The following STAT4 variants were observed in gnomAD, a reference collection of about 807,000 sequenced individuals.
STAT4 encodes the protein signal transducer and activator of transcription 4.
STAT4 carries 42 observed loss-of-function variants against 110.5 expected under a neutral mutation model. That is an observed-to-expected ratio of 0.38 (90% CI 0.30 to 0.49). The LOEUF is 0.49. Ranked by LOEUF, STAT4 falls within the 20% of genes least tolerant of loss-of-function variation. The probability of loss-of-function intolerance (pLI) is 0.95; values close to 1 mark genes in which losing one functional copy is unlikely to be tolerated. For missense variants in STAT4, 632 were observed against 887.9 expected (o/e 0.71, Z 3.66); for synonymous variants, 284 against 302.2 (o/e 0.94, Z 0.63).
intron 5 of STAT4, among the ~76,000 whole-genome samples, chr2:191,072,199 C>T (rs1697179733): frequency 6.6e-6 from 1 of 152,192 alleles, no homozygotes; most frequent in Non-Finnish European, 1.5e-5. Flanking sequence ...GATGCAAAAC[C>T]CATCTGTGCA....
In STAT4 at chr2:191,146,558, C is replaced by T. The variant is rs116613000; in HGVS notation, c.273+55G>A. 2.4e-3 allele frequency: 3,225 copies of T among 1,334,356 alleles called. 75 individuals are homozygous for T. In the African/African-American group the frequency reaches 0.044, roughly 18 times the overall value. 82.7% of individuals were successfully genotyped at this position (1,334,356 alleles called of 1,614,324 possible). A position where few individuals can be genotyped will look rare whatever the true frequency, so the allele number is the denominator to read the frequency against. On this transcript the variant is annotated intron_variant, in intron 3 of 23. Coordinates refer to ENST00000392320, the MANE Select transcript of STAT4 (RefSeq NM_003151.4). This position sits in a 1 kb window ranked among gnomAD's most constrained non-coding sequence, Gnocchi z 4.5. The stretch of plus-strand genomic sequence containing the variant: ...ATAAGGGTACATATTTAATTTTTAA[C>T]TAAATTTAAGACTCATATATCCAAA...
Position 191,036,124 on chromosome 2 carries a change from C to T in STAT4, c.1570+40G>A, listed in dbSNP as rs1696037300. ...CTGGTTATTTAAAATGCCTGAGGGC[C>T]AAAAACAGAGGCAAATCCTCTCTAT... is the stretch of plus-strand genomic sequence containing the variant. On this transcript the variant is annotated intron_variant, in intron 17 of 23. Transcript: ENST00000392320. 1.9e-6 allele frequency: 3 copies of T among 1,598,484 alleles called. No individual in the cohort carries two copies. The South Asian group carries it at 3.4e-5, about 18-fold the overall frequency.
At position 191,036,260 on chromosome 2, in the gene STAT4, T is replaced by A. The variant is rs1696043590; in HGVS notation, c.1474A>T (p.Ser492Cys). 1.2e-6 allele frequency: 2 copies of A among 1,614,142 alleles called. No individual in the cohort carries two copies. The highest frequency in any genetic ancestry group is 1.7e-6 in the Non-Finnish European group (2 of 1,180,028). Residue 492 changes from serine (S) to cysteine (C), a missense_variant, in exon 17 of 24, where the codon AGT (serine) becomes TGT (cysteine). Coordinates refer to ENST00000392320, the MANE Select transcript of STAT4 (RefSeq NM_003151.4). ...CAGCTCATCACCTCCAGTAGTTGACTCAATGTGGCAGGTGGAGGATTATTA... is the reference window on the plus strand; with the variant it reads ...CAGCTCATCACCTCCAGTAGTTGACACAATGTGGCAGGTGGAGGATTATTA... ...FFNNPPPATL[S>C]QLLEVMSWQF... is the part of the protein sequence containing the mutation.
rs748455233 is a variant in STAT4 at position 191,083,092 on chromosome 2, T to C, written c.274-6767A>G. Among the ~76,000 whole-genome samples the C allele has an allele frequency of 7.6e-4, 116 of 152,178 alleles. 1 individual carries two copies. Among genetic ancestry groups the C allele is most frequent in the Admixed American group, 2.7e-3 (41 of 15,264 alleles). Reference sequence around the variant, plus strand: ...TTAGTGACCAAAGGGGATATAGGATTCTGAGGAAACACATAACCAACAACT... The same window carrying C: ...TTAGTGACCAAAGGGGATATAGGATCCTGAGGAAACACATAACCAACAACT... On this transcript the variant is annotated intron_variant, in intron 3 of 23. Coordinates refer to ENST00000392320, the MANE Select transcript of STAT4 (RefSeq NM_003151.4). This position sits in a 1 kb window ranked among gnomAD's most constrained non-coding sequence, Gnocchi z 4.6.
At chr2:191,108,380 AC>A (rs1323932462) in intron 3 of STAT4, among the ~76,000 whole-genome samples, 1 of 152,200 alleles carries the variant, frequency 6.6e-6, no homozygotes, top group Non-Finnish European at 1.5e-5. Flanking sequence ...AAACATTATA[AC>A]TATAAACTCG....
rs998995512 is a variant in STAT4, at chr2:191,077,175, T to C, written c.274-850A>G. 2.0e-5 allele frequency among the ~76,000 whole-genome samples: 3 copies of C among 152,190 alleles called. No individual in the cohort carries two copies. The highest frequency in any genetic ancestry group is 6.5e-5 in the Admixed American group (1 of 15,280). On this transcript the variant is annotated intron_variant, in intron 3 of 23. Transcript: ENST00000392320. This position sits in a 1 kb window ranked among gnomAD's most constrained non-coding sequence, Gnocchi z 4.1. ...AGGTTAATGATGCAGATACTGTAAA[T>C]TGGCAGCCTGTGGGCCTAATTCAGC...
chr2:191,145,271 T>C lies in STAT4; in HGVS notation c.273+1342A>G, dbSNP rs575126629. Among the ~76,000 whole-genome samples the C allele has an allele frequency of 3.3e-5, 5 of 152,300 alleles. No homozygotes were observed. The East Asian group carries it at 5.8e-4, about 18-fold the overall frequency. ...GCTGTGTTTCAATAAAACACAGAAA[T>C]TGGAATTTCATATAATTTTAATGTG... On this transcript the variant is annotated intron_variant, in intron 3 of 23. Transcript: ENST00000392320.
At position 191,061,886 on chromosome 2, in the gene STAT4, A is replaced by G; in HGVS notation, c.942-65T>C. The stretch of plus-strand genomic sequence containing the variant: ...TGAAAATATTGAGACTGAAAACCAC[A>G]GAGGAACAGGATGCTATCCACTCAA... On this transcript the variant is annotated intron_variant, in intron 9 of 23. Coordinates refer to ENST00000392320, the MANE Select transcript of STAT4 (RefSeq NM_003151.4). The surrounding 1 kb of genome is among the most constrained non-coding windows in gnomAD (Gnocchi z 6.2). 7 of 1,483,620 alleles carry G rather than the reference A, an allele frequency of 4.7e-6. No homozygotes were observed. Among genetic ancestry groups the G allele is most frequent in the Non-Finnish European group, 6.5e-6 (7 of 1,069,248 alleles). 91.9% of individuals were successfully genotyped at this position (1,483,620 alleles called of 1,614,324 possible).
rs1229444509 is a variant in STAT4 at position 191,150,768 on chromosome 2, G to A, written c.-2+179C>T. On this transcript the variant is annotated intron_variant, in intron 1 of 23. Transcript: ENST00000392320. This position sits in a 1 kb window ranked among gnomAD's most constrained non-coding sequence, Gnocchi z 6.4. Reference sequence around the variant, plus strand: ...GGAGCGGTTTCCGCGGAGAACCCGTGCCAGGGCGCATCTGTGGGTCGTGGA... The same window carrying A: ...GGAGCGGTTTCCGCGGAGAACCCGTACCAGGGCGCATCTGTGGGTCGTGGA... Among the ~76,000 whole-genome samples, 1 of 152,184 alleles carries A rather than the reference G, an allele frequency of 6.6e-6. No homozygotes were observed. Among genetic ancestry groups the A allele is most frequent in the East Asian group, 1.9e-4 (1 of 5,188 alleles).
intron 5 of STAT4, among the ~76,000 whole-genome samples, chr2:191,072,347 G>C (rs1697188495): frequency 2.0e-5 from 3 of 152,070 alleles, no homozygotes. Context: ...ACATTATAAT[G>C]TGCCAAGGTA....
intron 3 of STAT4, among the ~76,000 whole-genome samples, chr2:191,127,036 G>A (rs181221959): frequency 1.3e-5 from 2 of 152,002 alleles, no homozygotes; most frequent in East Asian, 3.9e-4. Context: ...TGACCAGGCT[G>A]GAGGCTAACT....
At chr2:191,064,602 C>G (rs1383268728) in intron 8 of STAT4, among the ~76,000 whole-genome samples, 1 of 152,178 alleles carries the variant, frequency 6.6e-6, no homozygotes, top group Non-Finnish European at 1.5e-5. Flanking sequence ...ATTCAATGGA[C>G]GCTTTCCTTG....
At chr2:191,105,023 G>T (rs557514850) in intron 3 of STAT4, among the ~76,000 whole-genome samples, 1 of 152,160 alleles carries the variant, frequency 6.6e-6, no homozygotes, top group Admixed American at 6.5e-5. Flanking sequence ...ATTCATCACA[G>T]GTTCTGTGGA....
intron 3 of STAT4, among the ~76,000 whole-genome samples, chr2:191,127,549 A>AT (rs2125406957): frequency 6.6e-6 from 1 of 152,350 alleles, no homozygotes; most frequent in East Asian, 1.9e-4. Flanking sequence ...CTCTTTCAAC[A>AT]TAAGAATTTT....
In STAT4 at chr2:191,030,648, TAG is replaced by T. The variant is rs554072384; in HGVS notation, c.2220+322_2220+323del. 68 of 222,942 alleles carry T rather than the reference TAG, an allele frequency of 3.1e-4. No individual in the cohort carries two copies. In the East Asian group the frequency reaches 7.3e-3, roughly 24 times the overall value. The allele number at this position is 222,942 out of a possible 1,614,324, so 13.8% of individuals were successfully genotyped here. A position where few individuals can be genotyped will look rare whatever the true frequency, so the allele number is the denominator to read the frequency against. Reference sequence around the variant, plus strand: ...GACCAATAAATGGTGTTTGCTAAAGTAGAGAGTGGTGGGGAGTGAGGGGGCCC... The same window carrying T: ...GACCAATAAATGGTGTTTGCTAAAGTAGAGTGGTGGGGAGTGAGGGGGCCC... On this transcript the variant is annotated intron_variant, in intron 23 of 23. Coordinates refer to ENST00000392320, the MANE Select transcript of STAT4 (RefSeq NM_003151.4). The surrounding 1 kb of genome is among the most constrained non-coding windows in gnomAD (Gnocchi z 4.4).
intron 3 of STAT4, among the ~76,000 whole-genome samples, chr2:191,136,005 G>GAAAAAAAAAAAAAAAAA (rs745380203): frequency 7.5e-5 from 6 of 79,774 alleles, no homozygotes; most frequent in African/African-American, 2.6e-4. Context: ...CAGCATCTCA[G>GAAAAAAAAAAAAAAAAA]AAAAAAAAAA....
chr2:191,054,724 T>C (rs1427982269), intron 13 of STAT4, among the ~76,000 whole-genome samples, 190 bp from the exon 14 acceptor site: 1 of 152,160 alleles, frequency 6.6e-6, no homozygotes, highest in East Asian at 1.9e-4. Flanking sequence ...TCTCACCCCA[T>C]GGGATGCCAC....
chr2:191,085,348 T>C lies in STAT4; in HGVS notation c.274-9023A>G, dbSNP rs536598246. Among the ~76,000 whole-genome samples the C allele has an allele frequency of 1.2e-3, 183 of 151,902 alleles. 1 individual carries two copies. The highest frequency in any genetic ancestry group is 2.7e-3 in the Admixed American group (41 of 15,236). On this transcript the variant is annotated intron_variant, in intron 3 of 23. Transcript: ENST00000392320. ...CAGAAGTCCAAGAGAGACATATTGA[T>C]CTTACTTGATATGTTAAAGTCATAT...
chr2:191,058,008 C>T lies in STAT4; in HGVS notation c.1206+10G>A. ...AAAAAAAGCCTGTTTAACTTTACTG[C>T]CAAACTTACCAAATGTCGAAATTCT... On this transcript the variant is annotated intron_variant, in intron 13 of 23. Coordinates refer to ENST00000392320, the MANE Select transcript of STAT4 (RefSeq NM_003151.4). This position sits in a 1 kb window ranked among gnomAD's most constrained non-coding sequence, Gnocchi z 4.3. 2 of 1,612,056 alleles carry T rather than the reference C, an allele frequency of 1.2e-6. No individual in the cohort carries two copies. Among genetic ancestry groups the T allele is most frequent in the South Asian group, 1.1e-5 (1 of 91,020 alleles).
Sources: allele counts gnomAD v4.1 joint callset (sites outside exome capture counted in the v4.1 genomes callset), GRCh38; gene constraint gnomAD v4.1.1; non-coding constraint Gnocchi (gnomAD v3.1); transcripts MANE v1.5; gene names NCBI Gene and HGNC (gene_info 2026-07-23, HGNC 2026-07-21).